TAFA2: variants seen among roughly 807,000 people sequenced by gnomAD.
TAFA2 encodes the protein chemokine-like protein TAFA-2.
A neutral mutation model predicts 18.8 loss-of-function variants in TAFA2; 7 were observed. The ratio of observed to expected loss-of-function variants is 0.37; its 90% CI spans 0.21 to 0.70. The LOEUF is 0.70. TAFA2 is among the 30% of genes least tolerant of loss of function. The pLI is 0.53. For synonymous variants in TAFA2, 60 were observed against 54.2 expected, an observed-to-expected ratio of 1.11 and a Z score of -0.47; for missense variants, 122 against 158.1, an observed-to-expected ratio of 0.77 and a Z score of 1.23.
upstream of TAFA2, among the ~76,000 whole-genome samples, chr12:62,195,044 T>C (rs1362037378): frequency 6.6e-6 from 1 of 152,238 alleles, no homozygotes; most frequent in Non-Finnish European, 1.5e-5. Context: ...TGATGGCTGC[T>C]GATGGATCAG....
At chr12:61,870,083 C>T (rs1464066002) in intron 1 of TAFA2, among the ~76,000 whole-genome samples, 3 of 152,154 alleles carry the variant, frequency 2.0e-5, no homozygotes, top group African/African-American at 7.2e-5. Flanking sequence ...AACAGAAGCA[C>T]CCACAAAGTT....
intron 2 of TAFA2, among the ~76,000 whole-genome samples, chr12:61,795,866 T>A (rs1408292360): frequency 6.6e-6 from 1 of 151,960 alleles, no homozygotes; most frequent in African/African-American, 2.4e-5. Flanking sequence ...GATAAATAGA[T>A]AAGTGGAACA....
chr12:61,787,147 G>C (rs1188165787), intron 2 of TAFA2, among the ~76,000 whole-genome samples: 2 of 151,218 alleles, frequency 1.3e-5, no homozygotes, highest in Non-Finnish European at 3.0e-5. Context: ...AGGAGAAAAT[G>C]GGATGACACA....
At chr12:61,830,560 T>C (rs568224159) in intron 2 of TAFA2, among the ~76,000 whole-genome samples, 1 of 151,838 alleles carries the variant, frequency 6.6e-6, no homozygotes, top group East Asian at 1.9e-4. Context: ...CACATGGGCA[T>C]AGAGGGGAAA....
chr12:61,831,378 T>G (rs1592418934), intron 2 of TAFA2, among the ~76,000 whole-genome samples: 2 of 152,068 alleles, frequency 1.3e-5, no homozygotes, highest in South Asian at 2.1e-4. Context: ...ATTTTCAACT[T>G]CTTGAGTAGT....
chr12:61,724,942 T>G (rs1870090213), intron 4 of TAFA2, among the ~76,000 whole-genome samples: 1 of 146,254 alleles, frequency 6.8e-6, no homozygotes. Flanking sequence ...CCCAGCAGTG[T>G]AAGTGTTCTA....
chr12:62,187,730 C>T (rs2062595881), intron 1 of TAFA2, among the ~76,000 whole-genome samples: 1 of 152,124 alleles, frequency 6.6e-6, no homozygotes, highest in Admixed American at 6.5e-5. Context: ...CCCAATAAGT[C>T]AGTGGCCAAT....
Position 62,163,064 on chromosome 12 carries a change from T to C in TAFA2, c.-2+28195A>G, listed in dbSNP as rs376598811. Among the ~76,000 whole-genome samples, 10 of 152,008 alleles carry C rather than the reference T, an allele frequency of 6.6e-5. No individual in the cohort carries two copies. The East Asian group carries it at 1.9e-3, about 30-fold the overall frequency. The stretch of plus-strand genomic sequence containing the variant: ...AGTCTAATCATATTAAAATATTGAG[T>C]ATGCATAGGAGCTGGAAGACAAAAC... On this transcript the variant is annotated intron_variant, in intron 1 of 4. Coordinates refer to ENST00000416284, the MANE Select transcript of TAFA2 (RefSeq NM_178539.5).
intron 2 of TAFA2, among the ~76,000 whole-genome samples, chr12:61,762,105 G>A (rs1485189734): frequency 2.0e-5 from 3 of 152,030 alleles, no homozygotes; most frequent in Non-Finnish European, 4.4e-5. Context: ...CCAGCATCAT[G>A]CTTGCTGTAC....
intron 1 of TAFA2, among the ~76,000 whole-genome samples, chr12:61,983,105 G>T (rs1879694436): frequency 6.6e-6 from 1 of 152,118 alleles, no homozygotes. Flanking sequence ...AAAAGATTCA[G>T]CAATGGAATA....
intron 2 of TAFA2, among the ~76,000 whole-genome samples, chr12:61,761,365 T>A (rs528648498): frequency 3.4e-4 from 51 of 152,046 alleles, no homozygotes; most frequent in South Asian, 6.2e-4. Flanking sequence ...TATGGTCACA[T>A]CTGATTGATC....
chr12:62,130,865 A>G (rs1457079550), intron 1 of TAFA2, among the ~76,000 whole-genome samples: 1 of 151,998 alleles, frequency 6.6e-6, no homozygotes, highest in African/African-American at 2.4e-5. Flanking sequence ...GGCATGTTGA[A>G]TAACATTTTA....
chr12:62,235,473 T>C, intron 1 of TAFA2: 1 of 611,330 alleles, frequency 1.6e-6, no homozygotes, highest in Non-Finnish European at 3.0e-6. Flanking sequence ...TGGCTCAGCT[T>C]CCCAGCTTCC....
chr12:62,242,485 A>T (rs1367178156), intron 1 of TAFA2: 1 of 153,098 alleles, frequency 6.5e-6, no homozygotes, highest in African/African-American at 2.4e-5. Flanking sequence ...CCCATGCTGG[A>T]CCACCACACT....
At chr12:62,126,508 T>G (rs1368544023) in intron 1 of TAFA2, among the ~76,000 whole-genome samples, 1 of 152,120 alleles carries the variant, frequency 6.6e-6, no homozygotes, top group African/African-American at 2.4e-5. Flanking sequence ...TATTTTTTCT[T>G]TCCAGGGTAA....
intron 1 of TAFA2, among the ~76,000 whole-genome samples, chr12:61,986,266 G>A (rs1318706753): frequency 2.9e-5 from 4 of 138,716 alleles, no homozygotes; most frequent in African/African-American, 1.1e-4. Flanking sequence ...CCAGGTTCAA[G>A]TGATTCTCCT....
intron 1 of TAFA2, among the ~76,000 whole-genome samples, chr12:62,036,029 C>T (rs952745630): frequency 2.0e-4 from 30 of 151,986 alleles, no homozygotes; most frequent in African/African-American, 7.0e-4. Context: ...CGTGAGCCAC[C>T]GCGCCCGGCC....
chr12:62,093,156 C>A (rs11174308), intron 1 of TAFA2, among the ~76,000 whole-genome samples: 1 of 151,760 alleles, frequency 6.6e-6, no homozygotes, highest in South Asian at 2.1e-4. Flanking sequence ...TGCTTTATTG[C>A]TGAATCTCTG....
intron 1 of TAFA2, among the ~76,000 whole-genome samples, chr12:61,991,632 C>A (rs543899943): frequency 6.6e-6 from 1 of 152,266 alleles, no homozygotes; most frequent in South Asian, 2.1e-4. Flanking sequence ...ACTAAATCTC[C>A]CATCTTTTTT....
Sources: gnomAD v4.1 joint callset for allele counts (sites outside exome capture counted in the v4.1 genomes callset) on GRCh38, gnomAD v4.1.1 for gene constraint, MANE v1.5 for transcripts, NCBI Gene and HGNC (gene_info 2026-07-23, HGNC 2026-07-21) for gene names.